Variants in RASSF3 observed in about 807,000 individuals in gnomAD.
RASSF3 encodes the protein ras association domain-containing protein 3.
In RASSF3, 19 loss-of-function variants were observed where a neutral mutation model predicts 19.9. The ratio of observed to expected loss-of-function variants is 0.96; its 90% CI spans 0.67 to 1.40. The LOEUF is 1.40. RASSF3 is among the 40% of genes most tolerant of loss of function. The pLI, the probability that RASSF3 is intolerant of heterozygous loss-of-function variation, is 0.00. For missense variants in RASSF3, 306 were observed against 289.8 expected (o/e 1.06, Z -0.41); for synonymous variants, 110 against 104.2 (o/e 1.06, Z -0.34).
At chr12:64,684,522 T>A (rs1873269406) in intron 1 of RASSF3, among the ~76,000 whole-genome samples, 1 of 150,818 alleles carries the variant, frequency 6.6e-6, no homozygotes, top group Non-Finnish European at 1.5e-5. Flanking sequence ...CCTCTGCCTC[T>A]CACGTTCAAA....
At chr12:64,614,718 G>A (rs1870493847) in intron 1 of RASSF3, among the ~76,000 whole-genome samples, 1 of 131,834 alleles carries the variant, frequency 7.6e-6, no homozygotes, top group Non-Finnish European at 1.6e-5. Flanking sequence ...TTTTTTTTGA[G>A]ATAGATTCTT....
chr12:64,621,945 C>A (rs1398507553), intron 1 of RASSF3, among the ~76,000 whole-genome samples: 1 of 150,966 alleles, frequency 6.6e-6, no homozygotes, highest in Non-Finnish European at 1.5e-5. Flanking sequence ...TTTCTACTAA[C>A]CATGTGTTTT....
intron 2 of RASSF3, chr12:64,599,158 G>C (rs1870045324): frequency 6.6e-6 from 1 of 152,162 alleles, no homozygotes; most frequent in Non-Finnish European, 1.5e-5. Flanking sequence ...AAGTAGTGGT[G>C]ACTCTTCACT....
intron 1 of RASSF3, among the ~76,000 whole-genome samples, chr12:64,509,306 CG>C (rs1450681179): frequency 6.6e-6 from 1 of 151,910 alleles, no homozygotes; most frequent in Non-Finnish European, 1.5e-5. Flanking sequence ...AAAAATTAGC[CG>C]GGTGTGGTGG....
At chr12:64,633,478 C>G (rs959792781) in intron 1 of RASSF3, among the ~76,000 whole-genome samples, 2 of 152,160 alleles carry the variant, frequency 1.3e-5, no homozygotes, top group African/African-American at 4.8e-5. Context: ...CCCTCTCCTG[C>G]CATGTGACCA....
chr12:64,624,678 G>C (rs1435966212), intron 1 of RASSF3, among the ~76,000 whole-genome samples: 1 of 152,062 alleles, frequency 6.6e-6, no homozygotes, highest in Non-Finnish European at 1.5e-5. Flanking sequence ...ATTATTTCTT[G>C]AGACGGAGTC....
At chr12:64,568,333 G>A (rs755535028) in intron 2 of RASSF3, among the ~76,000 whole-genome samples, 6 of 152,012 alleles carry the variant, frequency 3.9e-5, no homozygotes, top group South Asian at 4.1e-4. Context: ...ATGCCTGGCC[G>A]CTTGTTTGGT....
intron 2 of RASSF3, among the ~76,000 whole-genome samples, chr12:64,581,535 C>A (rs1869696242): frequency 6.6e-6 from 1 of 152,028 alleles, no homozygotes; most frequent in Non-Finnish European, 1.5e-5. Flanking sequence ...ATGGTGAAAC[C>A]CCGTCTCTAC....
chr12:64,582,409 G>A (rs1440891203), intron 2 of RASSF3, among the ~76,000 whole-genome samples: 1 of 152,054 alleles, frequency 6.6e-6, no homozygotes, highest in Non-Finnish European at 1.5e-5. Context: ...TTTTTCTTTA[G>A]GTAATTTCAT....
intron 1 of RASSF3, among the ~76,000 whole-genome samples, chr12:64,620,064 T>C (rs1870697745): frequency 7.2e-6 from 1 of 138,952 alleles, no homozygotes; most frequent in African/African-American, 2.6e-5. Flanking sequence ...TTTTCAAGTA[T>C]TGAATATTCA....
At chr12:64,540,009 T>C (rs1868908061) in intron 1 of RASSF3, among the ~76,000 whole-genome samples, 1 of 152,232 alleles carries the variant, frequency 6.6e-6, no homozygotes. Context: ...TTTATCTCGA[T>C]GGCTTACATA....
At chr12:64,586,784 G>A (rs1192675952) in intron 2 of RASSF3, among the ~76,000 whole-genome samples, 2 of 151,666 alleles carry the variant, frequency 1.3e-5, no homozygotes, top group East Asian at 2.0e-4. Context: ...TTAGCTGGAT[G>A]TGGTGGCATG....
chr12:64,640,196 T>C (rs575586400), intron 1 of RASSF3, among the ~76,000 whole-genome samples: 9 of 152,314 alleles, frequency 5.9e-5, no homozygotes, highest in African/African-American at 2.2e-4. Context: ...CTGTACATAT[T>C]TAATATATAC....
intron 1 of RASSF3, among the ~76,000 whole-genome samples, chr12:64,666,169 A>G (rs570917719): frequency 1.3e-5 from 2 of 152,358 alleles, no homozygotes; most frequent in East Asian, 3.9e-4. Flanking sequence ...TGTTTTCTCA[A>G]GATAAGCAAT....
At chr12:64,685,615 A>G (rs1229464421) in intron 2 of RASSF3, among the ~76,000 whole-genome samples, 1 of 152,172 alleles carries the variant, frequency 6.6e-6, no homozygotes, top group Non-Finnish European at 1.5e-5. Context: ...ATATAGAGGT[A>G]TATAATAGGA....
At chr12:64,554,343 C>T (rs370307175) in intron 2 of RASSF3, among the ~76,000 whole-genome samples, 21 of 152,222 alleles carry the variant, frequency 1.4e-4, no homozygotes, top group African/African-American at 4.1e-4. Context: ...TCACTCTTGT[C>T]GCCCAGGCTG....
intron 1 of RASSF3, among the ~76,000 whole-genome samples, chr12:64,672,663 C>A (rs1872738347): frequency 6.6e-6 from 1 of 152,124 alleles, no homozygotes; most frequent in South Asian, 2.1e-4. Context: ...TGCACAGCCG[C>A]CACTCCTGGC....
intron 1 of RASSF3, among the ~76,000 whole-genome samples, chr12:64,680,639 A>G (rs983270156): frequency 3.3e-5 from 5 of 151,788 alleles, no homozygotes; most frequent in African/African-American, 1.2e-4. Flanking sequence ...TTTGAGACAG[A>G]GTCTCGCTCT....
intron 2 of RASSF3, among the ~76,000 whole-genome samples, chr12:64,560,025 T>A (rs187566968): frequency 6.6e-6 from 1 of 152,356 alleles, no homozygotes; most frequent in East Asian, 1.9e-4. Flanking sequence ...TGCATTTTCA[T>A]GGCCACAACC....
Sources: gnomAD v4.1 joint callset for allele counts (sites outside exome capture counted in the v4.1 genomes callset) on GRCh38, gnomAD v4.1.1 for gene constraint, MANE v1.5 for transcripts, NCBI Gene and HGNC (gene_info 2026-07-23, HGNC 2026-07-21) for gene names.